The following CNTN3 variants were observed in gnomAD, a reference collection of about 807,000 sequenced individuals.
CNTN3 encodes the protein contactin 3.
CNTN3 carries 60 observed loss-of-function variants against 119.1 expected under a neutral mutation model. That is an observed-to-expected ratio of 0.50 (90% CI 0.41 to 0.62). CNTN3 has a LOEUF of 0.62. Among genes scored for constraint, CNTN3 ranks in the 20% least tolerant of loss-of-function variants. The probability of loss-of-function intolerance (pLI) is 0.00; values close to 1 mark genes in which losing one functional copy is unlikely to be tolerated. For missense variants in CNTN3, 1,101 were observed against 1,242.4 expected (o/e 0.89, Z 1.71); for synonymous variants, 450 against 438.7 (o/e 1.03, Z -0.32).
intron 4 of CNTN3, among the ~76,000 whole-genome samples, chr3:74,445,687 C>A (rs1314025397): frequency 6.6e-6 from 1 of 151,990 alleles, no homozygotes; most frequent in Non-Finnish European, 1.5e-5. Flanking sequence ...TGTGCACTGC[C>A]AAATCAAATG....
chr3:74,552,917 G>A (rs1045238617), intron 1 of CNTN3, among the ~76,000 whole-genome samples: 1 of 152,136 alleles, frequency 6.6e-6, no homozygotes, highest in Non-Finnish European at 1.5e-5. Flanking sequence ...GCAGAACTGT[G>A]AGTCAATTAA....
At chr3:74,504,631 G>T (rs1452925070) in intron 2 of CNTN3, among the ~76,000 whole-genome samples, 2 of 152,224 alleles carry the variant, frequency 1.3e-5, no homozygotes, top group East Asian at 3.9e-4. Flanking sequence ...ATATCTGAAT[G>T]CCAGACATGT....
chr3:74,435,107 C>A (rs1366814867), intron 4 of CNTN3, among the ~76,000 whole-genome samples: 1 of 152,144 alleles, frequency 6.6e-6, no homozygotes, highest in Admixed American at 6.5e-5. Flanking sequence ...TTCCGCAAAA[C>A]CCAGTCTTTC....
chr3:74,439,429 C>T (rs949844246), intron 4 of CNTN3, among the ~76,000 whole-genome samples: 1 of 152,078 alleles, frequency 6.6e-6, no homozygotes, highest in African/African-American at 2.4e-5. Flanking sequence ...GTCTCTTGAG[C>T]CTGGAAGGCA....
At chr3:74,568,714 AC>A (rs1185144975) in intron 1 of CNTN3, among the ~76,000 whole-genome samples, 1 of 152,148 alleles carries the variant, frequency 6.6e-6, no homozygotes, top group East Asian at 1.9e-4. Context: ...CTGTTCTCCA[AC>A]CTGGCTTCTA....
intron 19 of CNTN3, among the ~76,000 whole-genome samples, chr3:74,288,886 T>C (rs970406707): frequency 6.6e-6 from 1 of 152,168 alleles, no homozygotes; most frequent in Non-Finnish European, 1.5e-5. Flanking sequence ...TGTAACGGCT[T>C]AGCTGATGAA....
At chr3:74,451,437 G>A (rs563525411) in intron 4 of CNTN3, among the ~76,000 whole-genome samples, 1 of 152,026 alleles carries the variant, frequency 6.6e-6, no homozygotes, top group Non-Finnish European at 1.5e-5. Context: ...TGAGTAGGTT[G>A]TGAAAATTTT....
In CNTN3 at chr3:74,266,509, A is replaced by G. The variant is rs1701662734; in HGVS notation, c.2958T>C (p.Ser986=). Residue 986 remains serine, a synonymous_variant, in exon 22 of 23, where the codon AGT becomes AGC. Coordinates refer to ENST00000263665, the MANE Select transcript of CNTN3 (RefSeq NM_020872.3). ...ATTDGGDGTS[S]EQIRIPRITS... The stretch of plus-strand genomic sequence containing the variant: ...TTATTCGTGGAATCCTGATCTGTTC[A>G]CTACTGGTCCCATCCCCTCCATCTG... 2 of 1,613,424 alleles carry G rather than the reference A, an allele frequency of 1.2e-6. No homozygotes were observed. Among genetic ancestry groups the G allele is most frequent in the Non-Finnish European group, 1.7e-6 (2 of 1,179,506 alleles).
intron 5 of CNTN3, among the ~76,000 whole-genome samples, chr3:74,389,629 G>A (rs1427339827): frequency 6.6e-6 from 1 of 152,064 alleles, no homozygotes; most frequent in Non-Finnish European, 1.5e-5. Flanking sequence ...ATCCCATCAG[G>A]TAGTAGGTAT....
intron 1 of CNTN3, among the ~76,000 whole-genome samples, chr3:74,579,427 A>T (rs2106664967): frequency 6.6e-6 from 1 of 152,050 alleles, no homozygotes; most frequent in African/African-American, 2.4e-5. Flanking sequence ...CAGTGTTCCT[A>T]ACAGGCATTT....
intron 2 of CNTN3, among the ~76,000 whole-genome samples, chr3:74,520,727 C>A (rs1253160454): frequency 6.6e-6 from 1 of 151,116 alleles, no homozygotes; most frequent in Non-Finnish European, 1.5e-5. Context: ...TGAGATCTCA[C>A]CTCTTTAAGT....
intron 4 of CNTN3, among the ~76,000 whole-genome samples, chr3:74,428,203 C>T (rs774538164): frequency 1.5e-4 from 23 of 151,366 alleles, no homozygotes; most frequent in Non-Finnish European, 2.6e-4. Flanking sequence ...ATAACTGTTA[C>T]GGGTTTATGT....
chr3:74,596,222 G>A (rs1704806826), intron 1 of CNTN3, among the ~76,000 whole-genome samples: 1 of 151,912 alleles, frequency 6.6e-6, no homozygotes, highest in Admixed American at 6.6e-5. Context: ...CCATGCTCAT[G>A]GGTAGGAAGA....
At chr3:74,412,881 T>G (rs1361484935) in intron 5 of CNTN3, among the ~76,000 whole-genome samples, 1 of 152,172 alleles carries the variant, frequency 6.6e-6, no homozygotes, top group Non-Finnish European at 1.5e-5. Context: ...GTTTTCTTTA[T>G]AGTAGAGTTG....
chr3:74,268,424 A>C (rs1212800890), intron 20 of CNTN3, among the ~76,000 whole-genome samples: 2 of 152,222 alleles, frequency 1.3e-5, no homozygotes, highest in East Asian at 3.8e-4. Context: ...AACATTAGCT[A>C]TCCAGAGAAA....
intron 1 of CNTN3, among the ~76,000 whole-genome samples, chr3:74,586,842 A>C (rs1249455173): frequency 6.6e-6 from 1 of 152,128 alleles, no homozygotes; most frequent in Non-Finnish European, 1.5e-5. Context: ...TACCAAAAAA[A>C]CAGACAAAAA....
chr3:74,397,610 C>G lies in CNTN3; in HGVS notation c.455-26211G>C, dbSNP rs190387751. ...CCAATTAATAATCCTACAATGGCCT[C>G]TAAGTGTTCAAGTGAAAGGAAGAAT... On this transcript the variant is annotated intron_variant, in intron 5 of 22. Transcript: ENST00000263665. Among the ~76,000 whole-genome samples, 51 of 152,206 alleles carry G rather than the reference C, an allele frequency of 3.4e-4. 1 individual carries two copies. In the East Asian group the frequency reaches 9.7e-3, roughly 29 times the overall value.
chr3:74,375,394 T>C (rs1047829676), intron 5 of CNTN3, among the ~76,000 whole-genome samples: 1 of 152,094 alleles, frequency 6.6e-6, no homozygotes, highest in African/African-American at 2.4e-5. Flanking sequence ...GGGCCTAATA[T>C]TGGTGGGGTA....
chr3:74,342,601 A>G (rs1055608147), intron 11 of CNTN3, among the ~76,000 whole-genome samples: 16 of 152,224 alleles, frequency 1.1e-4, no homozygotes, highest in Non-Finnish European at 2.1e-4. Flanking sequence ...ATGAATTCAT[A>G]TCATTTAACA....
Sources: gnomAD v4.1 joint callset for allele counts (sites outside exome capture counted in the v4.1 genomes callset) on GRCh38, gnomAD v4.1.1 for gene constraint, MANE v1.5 for transcripts, NCBI Gene and HGNC (gene_info 2026-07-23, HGNC 2026-07-21) for gene names.